PGS1: variants seen among roughly 807,000 people sequenced by gnomAD.
PGS1 encodes CDP-diacylglycerol--glycerol-3-phosphate 3-phosphatidyltransferase, mitochondrial.
Under a neutral mutation model 58.3 loss-of-function variants are expected in PGS1, and 44 were observed. The observed-to-expected ratio is 0.75, with a 90% CI of 0.59 to 0.97. PGS1 has a LOEUF of 0.97. PGS1 is among the 50% of genes least tolerant of loss of function. The pLI, the probability that PGS1 is intolerant of heterozygous loss-of-function variation, is 0.00. For synonymous variants in PGS1, 330 were observed against 311.0 expected, an observed-to-expected ratio of 1.06 and a Z score of -0.64; for missense variants, 684 against 731.1, an observed-to-expected ratio of 0.94 and a Z score of 0.74.
chr17:78,403,452 G>T (rs1239736974), intron 6 of PGS1, 116 bp from the exon 7 acceptor site: 2 of 1,112,160 alleles, frequency 1.8e-6, no homozygotes, highest in South Asian at 1.5e-5. Context: ...CGAGTGTTCA[G>T]TGAACATCCA....
chr17:78,399,682 C>T (rs560401605), intron 5 of PGS1, 145 bp downstream of exon 5: 13 of 741,482 alleles, frequency 1.8e-5, no homozygotes, highest in Middle Eastern at 2.5e-4. Flanking sequence ...GGCACCTCCC[C>T]GACACTGTCT....
chr17:78,398,808 A>G (rs1261095277), intron 4 of PGS1, among the ~76,000 whole-genome samples: 1 of 152,164 alleles, frequency 6.6e-6, no homozygotes, highest in Non-Finnish European at 1.5e-5. Context: ...CTTCCTTCTC[A>G]GGCTCTGTGT....
At chr17:78,414,281 T>C (rs1163103603) in intron 7 of PGS1, among the ~76,000 whole-genome samples, 1 of 152,240 alleles carries the variant, frequency 6.6e-6, no homozygotes, top group African/African-American at 2.4e-5. Context: ...CAGCCACTTT[T>C]GCCACCCCGC....
intron 6 of PGS1, among the ~76,000 whole-genome samples, chr17:78,401,929 T>C (rs2083701248): frequency 6.6e-6 from 1 of 152,144 alleles, no homozygotes; most frequent in Non-Finnish European, 1.5e-5. Flanking sequence ...GGCATGGATA[T>C]GAGAGAAAAC....
In PGS1 at chr17:78,395,010, C is replaced by T. The variant is rs531413892; in HGVS notation, c.334-1298C>T. Among the ~76,000 whole-genome samples the T allele has an allele frequency of 4.6e-5, 7 of 152,210 alleles. No individual in the cohort carries two copies. In the South Asian group the frequency reaches 1.5e-3, roughly 32 times the overall value. ...AGCAGGAAGGGGCAGAGAGGCTTGC[C>T]TCAGCAGGCCGAGAAGACCCCAGGG... On this transcript the variant is annotated intron_variant, in intron 2 of 9. Transcript: ENST00000262764.
Position 78,404,102 on chromosome 17 carries a change from T to C in PGS1, c.1402+13T>C. 1 of 1,512,846 alleles carries C rather than the reference T, an allele frequency of 6.6e-7. No homozygotes were observed. Among genetic ancestry groups the C allele is most frequent in the Non-Finnish European group, 8.9e-7 (1 of 1,129,606 alleles). The allele number at this position is 1,512,846 out of a possible 1,614,324, so 93.7% of individuals were successfully genotyped here. On this transcript the variant is annotated intron_variant, in intron 7 of 9. Transcript: ENST00000262764. ...TTCCACGCCAAAGGTGCGCAGCGGC[T>C]GGCTGGAGGACGTTCCAGTGTGGGA...
chr17:78,386,990 GTGATGATGA>G (rs970094306), intron 1 of PGS1, among the ~76,000 whole-genome samples: 1 of 146,624 alleles, frequency 6.8e-6, no homozygotes, highest in Non-Finnish European at 1.5e-5. Flanking sequence ...GGTGATGATG[GTGATGATGA>G]TGATGATGGT....
intron 4 of PGS1, 99 bp downstream of exon 4, chr17:78,398,450 G>C: frequency 1.2e-6 from 1 of 813,578 alleles, no homozygotes; most frequent in Non-Finnish European, 2.1e-6. Context: ...CAGAGTCAAG[G>C]CTATTTGAAG....
In PGS1 at chr17:78,424,157, C is replaced by A; in HGVS notation, c.*107C>A. 6.2e-7 allele frequency: 1 copy of A among 1,607,658 alleles called. No individual in the cohort carries two copies. On this transcript the variant is annotated 3_prime_UTR_variant, in exon 10 of 10. Coordinates refer to ENST00000262764, the MANE Select transcript of PGS1 (RefSeq NM_024419.5). ...GTCTGGGTGTCCCAGCGAGCCCCTG[C>A]AGGGACAGTATGGCTGAGGGTCAGG...
chr17:78,417,441 G>A (rs537156264), intron 8 of PGS1, among the ~76,000 whole-genome samples: 1 of 152,318 alleles, frequency 6.6e-6, no homozygotes, highest in Admixed American at 6.5e-5. Flanking sequence ...ATGGACCCAC[G>A]ATGGGGCCCA....
intron 7 of PGS1, among the ~76,000 whole-genome samples, chr17:78,408,743 C>G (rs2084372297): frequency 6.6e-6 from 1 of 152,202 alleles, no homozygotes; most frequent in Non-Finnish European, 1.5e-5. Flanking sequence ...GAGTGGGCAT[C>G]TGGGTTGGAT....
At chr17:78,384,755 T>C (rs868775420) in intron 1 of PGS1, among the ~76,000 whole-genome samples, 15 of 152,304 alleles carry the variant, frequency 9.8e-5, no homozygotes, top group Middle Eastern at 6.8e-3. Flanking sequence ...CATACCCTGT[T>C]TTGAAAAAAC....
chr17:78,407,099 C>T (rs1387437625), intron 7 of PGS1, among the ~76,000 whole-genome samples: 1 of 152,066 alleles, frequency 6.6e-6, no homozygotes, highest in Non-Finnish European at 1.5e-5. Flanking sequence ...GCCCTGCAAC[C>T]CAGGAGTGCT....
chr17:78,421,536 G>T (rs2085743688), intron 9 of PGS1: 1 of 152,334 alleles, frequency 6.6e-6, no homozygotes, highest in Non-Finnish European at 1.5e-5. Context: ...TGGCCACAGT[G>T]CCCTGGACAG....
chr17:78,378,649 G>A lies in PGS1; in HGVS notation c.-17G>A, dbSNP rs2081801991. 2.0e-6 allele frequency: 3 copies of A among 1,522,430 alleles called. No homozygotes were observed. Among genetic ancestry groups the A allele is most frequent in the Non-Finnish European group, 2.6e-6 (3 of 1,143,188 alleles). The allele number at this position is 1,522,430 out of a possible 1,614,324, so 94.3% of individuals were successfully genotyped here. A position where few individuals can be genotyped will look rare whatever the true frequency, so the allele number is the denominator to read the frequency against. ...GTTCGCGCCCGCCGGGAGCGGAAGC[G>A]GAAGCGGCGAGTCTCCATGGCGGTG... On this transcript the variant is annotated 5_prime_UTR_variant, in exon 1 of 10. Transcript: ENST00000262764.
intron 9 of PGS1, chr17:78,423,609 G>A (rs1275441510): frequency 2.7e-6 from 1 of 371,588 alleles, no homozygotes; most frequent in Non-Finnish European, 5.0e-6. Context: ...TGGAATGCTT[G>A]CCTCTGGCTG....
At chr17:78,421,658 T>G (rs1300144732) in intron 9 of PGS1, 2 of 152,282 alleles carry the variant, frequency 1.3e-5, no homozygotes, top group Admixed American at 1.3e-4. Context: ...TGGGTTTCTG[T>G]TTGGAGAGAG....
intron 1 of PGS1, among the ~76,000 whole-genome samples, chr17:78,385,056 C>T (rs986887441): frequency 7.9e-5 from 12 of 152,332 alleles, no homozygotes; most frequent in East Asian, 5.8e-4. Flanking sequence ...AGCTGCAGAA[C>T]GGTGAAGTGG....
chr17:78,394,930 A>G (rs2083114677), intron 2 of PGS1, among the ~76,000 whole-genome samples: 1 of 152,176 alleles, frequency 6.6e-6, no homozygotes. Flanking sequence ...GTCTCCACAT[A>G]GTGATCCCCT....
Sources: gnomAD v4.1 joint callset for allele counts (sites outside exome capture counted in the v4.1 genomes callset) on GRCh38, gnomAD v4.1.1 for gene constraint, MANE v1.5 for transcripts, NCBI Gene and HGNC (gene_info 2026-07-23, HGNC 2026-07-21) for gene names.